Variants in DDX39A observed in about 807,000 individuals in gnomAD.
The protein encoded by DDX39A is DExD-box helicase 39A, also known as ATP-dependent RNA helicase DDX39A.
Under a neutral mutation model 46.3 loss-of-function variants are expected in DDX39A, and 13 were observed. The ratio of observed to expected loss-of-function variants is 0.28; its 90% CI spans 0.18 to 0.45. DDX39A has a LOEUF of 0.45. Ranked by LOEUF, DDX39A falls within the 20% of genes least tolerant of loss-of-function variation. The pLI is 1.00. For missense variants in DDX39A, 352 were observed against 581.8 expected (o/e 0.61, Z 4.06); for synonymous variants, 234 against 224.6 (o/e 1.04, Z -0.38).
chr19:14,418,144 A>AAGAG (rs1352813035), intron 1 of DDX39A, among the ~76,000 whole-genome samples: 2 of 148,688 alleles, frequency 1.3e-5, no homozygotes, highest in African/African-American at 2.5e-5. Context: ...AAAAAAAAAA[A>AAGAG]AGAGAGAGAG....
rs1214383991 is a variant in DDX39A at position 14,409,423 on chromosome 19, C to T, written c.999G>A (p.Lys333=). ...EERLSRYQQF[K]DFQRRILVAT... Reference sequence around the variant, plus strand: ...CCACCAGGATCCGCCGCTGGAAATCCTTGAACTGCTGATAGCGTGACAGGC... The same window carrying T: ...CCACCAGGATCCGCCGCTGGAAATCTTTGAACTGCTGATAGCGTGACAGGC... The change falls in exon 9 of 11, where the codon AAG becomes AAA. Residue 333 remains lysine (K), a synonymous_variant. Coordinates refer to ENST00000242776, the MANE Select transcript of DDX39A (RefSeq NM_005804.4). The surrounding 1 kb of genome is among the most constrained non-coding windows in gnomAD (Gnocchi z 8.3). 6.2e-7 allele frequency: 1 copy of T among 1,614,088 alleles called. No individual in the cohort carries two copies. Among genetic ancestry groups the T allele is most frequent in the African/African-American group, 1.3e-5 (1 of 74,958 alleles).
Position 14,412,744 on chromosome 19 carries a change from T to C in DDX39A, c.209-66A>G, listed in dbSNP as rs537077424. The C allele has an allele frequency of 5.8e-6, 9 of 1,542,910 alleles. No homozygotes were observed. Among genetic ancestry groups the C allele is most frequent in the East Asian group, 2.3e-5 (1 of 44,336 alleles). ...CACCCCCGTGCAGGATCCTCACCAG[T>C]TGACCGGGGGCCCACAGTGAGGGCA... is the stretch of plus-strand genomic sequence containing the variant. On this transcript the variant is annotated intron_variant, in intron 2 of 10. Coordinates refer to ENST00000242776, the MANE Select transcript of DDX39A (RefSeq NM_005804.4). This position sits in a 1 kb window ranked among gnomAD's most constrained non-coding sequence, Gnocchi z 4.4.
chr19:14,413,044 G>A lies in DDX39A; in HGVS notation c.177C>T (p.Ile59=), dbSNP rs1448750519. 6 of 1,614,194 alleles carry A rather than the reference G, an allele frequency of 3.7e-6. No homozygotes were observed. The highest frequency in any genetic ancestry group is 1.7e-5 in the Admixed American group (1 of 60,010). ...AAGGATGCTCAAAGCCACAGTCCAC[G>A]ATGGCCCGCAGGAGCTCCGGCTTCA... ...FLLKPELLRA[I]VDCGFEHPSE... is the part of the protein sequence containing the mutation. The change falls in exon 2 of 11, where the codon ATC becomes ATT. Residue 59 remains isoleucine, a synonymous_variant. Coordinates refer to ENST00000242776, the MANE Select transcript of DDX39A (RefSeq NM_005804.4).
In DDX39A at chr19:14,412,999, C is replaced by A. The variant is rs776759199; in HGVS notation, c.208+14G>T. On this transcript the variant is annotated intron_variant, in intron 2 of 10. Coordinates refer to ENST00000242776, the MANE Select transcript of DDX39A (RefSeq NM_005804.4). The surrounding 1 kb of genome is among the most constrained non-coding windows in gnomAD (Gnocchi z 4.4). ...TGAGGACCTGGGCAAGAGGATAACACCCAGAAGGCGTACCCTCAGAAGGAT... is the reference window on the plus strand; with the variant it reads ...TGAGGACCTGGGCAAGAGGATAACAACCAGAAGGCGTACCCTCAGAAGGAT... 4 of 1,612,318 alleles carry A rather than the reference C, an allele frequency of 2.5e-6. No individual in the cohort carries two copies. The Admixed American group carries it at 6.7e-5, about 27-fold the overall frequency.
chr19:14,412,623 G>T lies in DDX39A; in HGVS notation c.264C>A (p.Ala88=). 1 of 1,610,746 alleles carries T rather than the reference G, an allele frequency of 6.2e-7. No homozygotes were observed. Residue 88 remains alanine (A), a synonymous_variant, in exon 3 of 11, where the codon GCC becomes GCA. Coordinates refer to ENST00000242776, the MANE Select transcript of DDX39A (RefSeq NM_005804.4). The surrounding 1 kb of genome is among the most constrained non-coding windows in gnomAD (Gnocchi z 4.4). The stretch of plus-strand genomic sequence containing the variant: ...CCGCTGTCTTGCCCATCCCGGACTT[G>T]GCCTGGCACAGGACGTCCATGCCCA... ...AILGMDVLCQ[A]KSGMGKTAVF... is the part of the protein sequence containing the mutation.
intron 1 of DDX39A, chr19:14,416,012 G>T: frequency 6.5e-6 from 1 of 153,616 alleles, no homozygotes; most frequent in Non-Finnish European, 1.5e-5. Context: ...GTTGCAGAGA[G>T]CCGAGATCAC....
chr19:14,410,322 T>A lies in DDX39A; in HGVS notation c.626A>T (p.Asp209Val), dbSNP rs1418561453. Reference sequence around the variant, plus strand: ...TGTCAGGCGGAAGATCTCCTGCACATCCCGCCGCATGTCTAGGTGGGGAGG... The same window carrying A: ...TGTCAGGCGGAAGATCTCCTGCACAACCCGCCGCATGTCTAGGTGGGGAGG... The part of the protein sequence containing the change: ...KMLEQLDMRR[D>V]VQEIFRLTPH... The change falls in exon 6 of 11, where the codon GAT becomes GTT. Residue 209 changes from aspartate (D) to valine (V), a missense_variant. By Grantham distance (152) the Asp-to-Val change is radical. Coordinates refer to ENST00000242776, the MANE Select transcript of DDX39A (RefSeq NM_005804.4). The surrounding 1 kb of genome is among the most constrained non-coding windows in gnomAD (Gnocchi z 4.3). 1.9e-6 allele frequency: 3 copies of A among 1,613,798 alleles called. No individual in the cohort carries two copies. Among genetic ancestry groups the A allele is most frequent in the Non-Finnish European group, 2.5e-6 (3 of 1,179,916 alleles).
At position 14,408,899 on chromosome 19, in the gene DDX39A, CGGGCGGCTCCGGGT is replaced by C. The variant is rs766154814; in HGVS notation, c.*23_*36del. 8 of 1,554,936 alleles carry C rather than the reference CGGGCGGCTCCGGGT, an allele frequency of 5.1e-6. No homozygotes were observed. Among genetic ancestry groups the C allele is most frequent in the South Asian group, 2.5e-5 (2 of 81,614 alleles). ...TGGAAAGGGGAGGTGAAGCTGCATGCGGGCGGCTCCGGGTGGGCGGCTCTGGCACGTGGTGGTTA... is the reference window on the plus strand; with the variant it reads ...TGGAAAGGGGAGGTGAAGCTGCATGCGGGCGGCTCTGGCACGTGGTGGTTA... On this transcript the variant is annotated 3_prime_UTR_variant, in exon 11 of 11. Transcript: ENST00000242776.
intron 1 of DDX39A, among the ~76,000 whole-genome samples, chr19:14,415,189 T>A (rs1976760368): frequency 6.6e-6 from 1 of 152,172 alleles, no homozygotes; most frequent in South Asian, 2.1e-4. Context: ...TGGATTTGCC[T>A]GTTGTTGTGG....
intron 1 of DDX39A, among the ~76,000 whole-genome samples, chr19:14,414,331 AT>A (rs1976716747): frequency 1.6e-5 from 1 of 63,626 alleles, no homozygotes; most frequent in African/African-American, 9.3e-5. Context: ...CTGTTTTATT[AT>A]TATTATTATT....
At position 14,410,968 on chromosome 19, in the gene DDX39A, C is replaced by A; in HGVS notation, c.613+21G>T. ...CCTAGTCACTGACTCTCAGCTGGGG[C>A]TGCAAGGGCAGAGGACTCACCCAGC... On this transcript the variant is annotated intron_variant, in intron 5 of 10. Transcript: ENST00000242776. This position sits in a 1 kb window ranked among gnomAD's most constrained non-coding sequence, Gnocchi z 4.3. 1 of 1,530,044 alleles carries A rather than the reference C, an allele frequency of 6.5e-7. No homozygotes were observed. The highest frequency in any genetic ancestry group is 8.8e-7 in the Non-Finnish European group (1 of 1,134,904). 94.8% of individuals were successfully genotyped at this position (1,530,044 alleles called of 1,614,324 possible). A position where few individuals can be genotyped will look rare whatever the true frequency, so the allele number is the denominator to read the frequency against.
rs1364026892 is a variant in DDX39A at position 14,412,767 on chromosome 19, G to A, written c.209-89C>T. 7 of 1,508,998 alleles carry A rather than the reference G, an allele frequency of 4.6e-6. No individual in the cohort carries two copies. The African/African-American group carries it at 9.6e-5, about 21-fold the overall frequency. The allele number at this position is 1,508,998 out of a possible 1,614,324, so 93.5% of individuals were successfully genotyped here. On this transcript the variant is annotated intron_variant, in intron 2 of 10. Transcript: ENST00000242776. The surrounding 1 kb of genome is among the most constrained non-coding windows in gnomAD (Gnocchi z 4.4). ...AGTTGACCGGGGGCCCACAGTGAGG[G>A]CAATCAGAAGAGGCCGAGTCCGGAC...
At position 14,413,243 on chromosome 19, in the gene DDX39A, A is replaced by G; in HGVS notation, c.-4-19T>C. The G allele has an allele frequency of 6.2e-7, 1 of 1,608,648 alleles. No individual in the cohort carries two copies. Among genetic ancestry groups the G allele is most frequent in the Non-Finnish European group, 8.5e-7 (1 of 1,176,772 alleles). On this transcript the variant is annotated intron_variant, in intron 1 of 10. Transcript: ENST00000242776. Reference sequence around the variant, plus strand: ...CATGATGCTGAGAAGAGAGAGAGGCAGGGTCCCGCGAGTGGGCACAGAAGG... The same window carrying G: ...CATGATGCTGAGAAGAGAGAGAGGCGGGGTCCCGCGAGTGGGCACAGAAGG...
At position 14,411,979 on chromosome 19, in the gene DDX39A, A is replaced by T. The variant is rs867425080; in HGVS notation, c.337-381T>A. Among the ~76,000 whole-genome samples, 3 of 152,260 alleles carry T rather than the reference A, an allele frequency of 2.0e-5. No individual in the cohort carries two copies. The highest frequency in any genetic ancestry group is 7.2e-5 in the African/African-American group (3 of 41,538). ...CCCGTGCCATCAGACACTGGACCAC[A>T]CCACAGCCCTCCACAGCACCTTCAT... On this transcript the variant is annotated intron_variant, in intron 3 of 10. Transcript: ENST00000242776. The surrounding 1 kb of genome is among the most constrained non-coding windows in gnomAD (Gnocchi z 4.1).
intron 1 of DDX39A, chr19:14,418,983 C>A (rs989391420): frequency 5.3e-5 from 24 of 456,158 alleles, no homozygotes; most frequent in Non-Finnish European, 9.3e-5. Flanking sequence ...TTCGGACGAA[C>A]TGACAGACTC....
Position 14,409,305 on chromosome 19 carries a change from G to A in DDX39A, c.1117C>T (p.Arg373Trp), listed in dbSNP as rs761187273. 8 of 1,614,082 alleles carry A rather than the reference G, an allele frequency of 5.0e-6. No individual in the cohort carries two copies. Among genetic ancestry groups the A allele is most frequent in the African/African-American group, 1.3e-5 (1 of 74,934 alleles). The change falls in exon 9 of 11, where the codon CGG becomes TGG. Residue 373 changes from arginine (R) to tryptophan (W), a missense_variant and splice_region_variant. Physicochemically the swap from Arg to Trp is moderately radical, Grantham distance 101 (BLOSUM62 -3). Coordinates refer to ENST00000242776, the MANE Select transcript of DDX39A (RefSeq NM_005804.4). The surrounding 1 kb of genome is among the most constrained non-coding windows in gnomAD (Gnocchi z 8.3). Reference protein sequence around the residue: ...MPEDSDTYLHRVARAGRFGTK... With the variant: ...MPEDSDTYLHWVARAGRFGTK... The stretch of plus-strand genomic sequence containing the variant: ...AACATGCCCGTGAGGCTGCTCACCC[G>A]GTGCAGGTAGGTGTCCGAGTCCTCA...
Position 14,412,998 on chromosome 19 carries a change from AC to A in DDX39A, c.208+14del, listed in dbSNP as rs1568328166. On this transcript the variant is annotated intron_variant, in intron 2 of 10. Transcript: ENST00000242776. The surrounding 1 kb of genome is among the most constrained non-coding windows in gnomAD (Gnocchi z 4.4). ...GTGAGGACCTGGGCAAGAGGATAAC[AC>A]CCAGAAGGCGTACCCTCAGAAGGAT... 1.2e-6 allele frequency: 2 copies of A among 1,611,858 alleles called. No individual in the cohort carries two copies. The highest frequency in any genetic ancestry group is 1.7e-6 in the Non-Finnish European group (2 of 1,178,624).
chr19:14,411,718 G>A lies in DDX39A; in HGVS notation c.337-120C>T. On this transcript the variant is annotated intron_variant, in intron 3 of 10. Transcript: ENST00000242776. This position sits in a 1 kb window ranked among gnomAD's most constrained non-coding sequence, Gnocchi z 4.1. ...ACCCAACATCACAGGCCATTTGAAG[G>A]CCCGGTCCAAATGCCTCCCACTTCT... 1.2e-6 allele frequency: 1 copy of A among 847,716 alleles called. No homozygotes were observed. Among genetic ancestry groups the A allele is most frequent in the Non-Finnish European group, 1.9e-6 (1 of 525,374 alleles). The allele number at this position is 847,716 out of a possible 1,614,324, so 52.5% of individuals were successfully genotyped here.
rs767315372 is a variant in DDX39A at position 14,411,101 on chromosome 19, G to A, written c.501C>T (p.Val167=). The A allele has an allele frequency of 1.7e-5, 28 of 1,611,352 alleles. No individual in the cohort carries two copies. Among genetic ancestry groups the A allele is most frequent in the Admixed American group, 3.4e-5 (2 of 59,200 alleles). ...EEVLKKNCPH[V]VVGTPGRILA... is the part of the protein sequence containing the mutation. The stretch of plus-strand genomic sequence containing the variant: ...GGATGCGGCCCGGGGTCCCCACCAC[G>A]ACATGGGGACAGTTCTTCTTCAACA... The change falls in exon 5 of 11, where the codon GTC becomes GTT. Residue 167 remains valine, a synonymous_variant. Coordinates refer to ENST00000242776, the MANE Select transcript of DDX39A (RefSeq NM_005804.4). The surrounding 1 kb of genome is among the most constrained non-coding windows in gnomAD (Gnocchi z 4.1).
Sources: allele counts gnomAD v4.1 joint callset (sites outside exome capture counted in the v4.1 genomes callset), GRCh38; gene constraint gnomAD v4.1.1; non-coding constraint Gnocchi (gnomAD v3.1); transcripts MANE v1.5; gene names NCBI Gene and HGNC (gene_info 2026-07-23, HGNC 2026-07-21).